Variants in VAMP4 observed in about 807,000 individuals in gnomAD.
VAMP4 encodes vesicle-associated membrane protein 4.
In VAMP4, 19 loss-of-function variants were observed where a neutral mutation model predicts 23.5. The observed-to-expected ratio is 0.81, with a 90% CI of 0.56 to 1.19. The LOEUF (loss-of-function observed/expected upper bound fraction) is 1.19. Ranked by LOEUF, VAMP4 falls within the 50% of genes most tolerant of loss-of-function variation. VAMP4 has a pLI of 0.00. For missense variants in VAMP4, 145 were observed against 168.6 expected (o/e 0.86, Z 0.78); for synonymous variants, 31 against 51.0 (o/e 0.61, Z 1.67).
intron 4 of VAMP4, among the ~76,000 whole-genome samples, chr1:171,711,400 T>C (rs1452381565): frequency 6.6e-6 from 1 of 152,100 alleles, no homozygotes; most frequent in Non-Finnish European, 1.5e-5. Context: ...AAACAGGATA[T>C]AAGACAACTG....
At position 171,702,550 on chromosome 1, in the gene VAMP4, A is replaced by G; in HGVS notation, c.*1956T>C. On this transcript the variant is annotated 3_prime_UTR_variant, in exon 8 of 8. Transcript: ENST00000236192. ...CTTCACTTGTAGATATTATGGAGAA[A>G]CCAGATTTCTACATCAACTAATGGA... 1 of 151,994 alleles carries G rather than the reference A, an allele frequency of 6.6e-6. No homozygotes were observed. Among genetic ancestry groups the G allele is most frequent in the East Asian group, 1.9e-4 (1 of 5,200 alleles). 9.4% of individuals were successfully genotyped at this position (151,994 alleles called of 1,614,324 possible). A position where few individuals can be genotyped will look rare whatever the true frequency, so the allele number is the denominator to read the frequency against.
chr1:171,729,694 C>CTG (rs1655497047), intron 2 of VAMP4, among the ~76,000 whole-genome samples: 18 of 152,182 alleles, frequency 1.2e-4, no homozygotes, highest in Admixed American at 1.2e-3. Context: ...GAGTCTTGCT[C>CTG]TGCTGCACAG....
At chr1:171,736,187 A>G (rs931807120) in intron 2 of VAMP4, among the ~76,000 whole-genome samples, 1 of 152,124 alleles carries the variant, frequency 6.6e-6, no homozygotes, top group Non-Finnish European at 1.5e-5. Context: ...ACGCCTGGCC[A>G]AGACATGCTT....
Position 171,701,172 on chromosome 1 carries a change from G to A in VAMP4, c.*3334C>T, listed in dbSNP as rs1297742458. 1 of 152,094 alleles carries A rather than the reference G, an allele frequency of 6.6e-6. No individual in the cohort carries two copies. Among genetic ancestry groups the A allele is most frequent in the Admixed American group, 6.6e-5 (1 of 15,260 alleles). The allele number at this position is 152,094 out of a possible 1,614,324, so 9.4% of individuals were successfully genotyped here. On this transcript the variant is annotated 3_prime_UTR_variant, in exon 8 of 8. Coordinates refer to ENST00000236192, the MANE Select transcript of VAMP4 (RefSeq NM_003762.5). ...CCTTACTACATTCTAAAACAAACTTGTAAATGCTTTCAAACTGACTTATGC... is the reference window on the plus strand; with the variant it reads ...CCTTACTACATTCTAAAACAAACTTATAAATGCTTTCAAACTGACTTATGC...
At chr1:171,732,360 GA>G (rs532876540) in intron 2 of VAMP4, among the ~76,000 whole-genome samples, 10,479 of 123,486 alleles carry the variant, frequency 0.085, 547 homozygotes, top group African/African-American at 0.18. Context: ...GTCTCTATGG[GA>G]AAAAAAAAAA....
chr1:171,732,849 A>G (rs1655607218), intron 2 of VAMP4, among the ~76,000 whole-genome samples: 1 of 152,208 alleles, frequency 6.6e-6, no homozygotes, highest in African/African-American at 2.4e-5. Context: ...AAACTTGAAC[A>G]TAAGACATCA....
intron 5 of VAMP4, 132 bp downstream of exon 5, chr1:171,710,582 C>A: frequency 1.7e-6 from 1 of 593,742 alleles, no homozygotes; most frequent in Non-Finnish European, 2.9e-6. Flanking sequence ...TAAAATTAAA[C>A]CATTAAAATC....
At position 171,738,236 on chromosome 1, in the gene VAMP4, G is replaced by A. The variant is rs1271790553; in HGVS notation, c.66+113C>T. 4 of 1,149,850 alleles carry A rather than the reference G, an allele frequency of 3.5e-6. No homozygotes were observed. In the Admixed American group the frequency reaches 9.4e-5, roughly 27 times the overall value. The allele number at this position is 1,149,850 out of a possible 1,614,324, so 71.2% of individuals were successfully genotyped here. A position where few individuals can be genotyped will look rare whatever the true frequency, so the allele number is the denominator to read the frequency against. ...ATTCTGCTTCAGCGTCCCAAGTGCG[G>A]CGATTGCAGGCATGAGCAACCACGC... On this transcript the variant is annotated intron_variant, in intron 2 of 7. Transcript: ENST00000236192.
rs1654492729 is a variant in VAMP4 at position 171,702,812 on chromosome 1, T to C, written c.*1694A>G. On this transcript the variant is annotated 3_prime_UTR_variant, in exon 8 of 8. Transcript: ENST00000236192. Reference sequence around the variant, plus strand: ...TAGAGACCAAAGACAATATACACTATAGTATGTAAGACCTTTATCTCCTTC... The same window carrying C: ...TAGAGACCAAAGACAATATACACTACAGTATGTAAGACCTTTATCTCCTTC... 6.6e-6 allele frequency: 1 copy of C among 152,044 alleles called. No individual in the cohort carries two copies. Among genetic ancestry groups the C allele is most frequent in the Non-Finnish European group, 1.5e-5 (1 of 67,876 alleles). The allele number at this position is 152,044 out of a possible 1,614,324, so 9.4% of individuals were successfully genotyped here.
intron 6 of VAMP4, among the ~76,000 whole-genome samples, chr1:171,708,061 G>A (rs1035150395): frequency 2.0e-5 from 3 of 152,154 alleles, no homozygotes; most frequent in Non-Finnish European, 1.5e-5. Context: ...CACTTTGGGA[G>A]GCTGAGGTGG....
intron 3 of VAMP4, among the ~76,000 whole-genome samples, chr1:171,720,790 T>A (rs1054626093): frequency 6.6e-6 from 1 of 151,956 alleles, no homozygotes; most frequent in African/African-American, 2.4e-5. Flanking sequence ...AGACAGAACT[T>A]TCCCAACTCA....
intron 3 of VAMP4, among the ~76,000 whole-genome samples, chr1:171,727,349 A>G (rs1655408732): frequency 6.6e-6 from 1 of 152,174 alleles, no homozygotes; most frequent in Admixed American, 6.5e-5. Context: ...GACGAAAAAT[A>G]AGCACACTAC....
At chr1:171,738,639 C>G (rs1457599904) in intron 1 of VAMP4, among the ~76,000 whole-genome samples, 176 bp from the exon 2 acceptor site, 1 of 152,134 alleles carries the variant, frequency 6.6e-6, no homozygotes, top group African/African-American at 2.4e-5. Flanking sequence ...GACCTCAACA[C>G]CTAAGAAATA....
Position 171,703,392 on chromosome 1 carries a change from CGT to C in VAMP4, c.*1112_*1113del, listed in dbSNP as rs1176104533. 178 of 58,604 alleles carry C rather than the reference CGT, an allele frequency of 3.0e-3. No homozygotes were observed. Among genetic ancestry groups the C allele is most frequent in the South Asian group, 8.2e-3 (14 of 1,700 alleles). 3.6% of individuals were successfully genotyped at this position (58,604 alleles called of 1,614,324 possible). ...CGACTGACTGATTATCATATGTGTG[CGT>C]GTGTGTGTGTGTGTGTGTGTGTGTT... is the stretch of plus-strand genomic sequence containing the variant. On this transcript the variant is annotated 3_prime_UTR_variant, in exon 8 of 8. Transcript: ENST00000236192.
At chr1:171,715,498 T>C (rs985368554) in intron 4 of VAMP4, among the ~76,000 whole-genome samples, 13 of 152,188 alleles carry the variant, frequency 8.5e-5, no homozygotes, top group African/African-American at 3.1e-4. Context: ...ACTACGTATG[T>C]GACTTTGGAA....
intron 2 of VAMP4, among the ~76,000 whole-genome samples, chr1:171,730,414 A>C (rs965934434): frequency 6.7e-4 from 102 of 152,292 alleles, no homozygotes; most frequent in African/African-American, 2.2e-3. Context: ...AATAAGTTAA[A>C]GCTTTTGAAA....
intron 3 of VAMP4, among the ~76,000 whole-genome samples, chr1:171,724,687 C>A (rs1655310082): frequency 1.3e-5 from 2 of 152,124 alleles, no homozygotes; most frequent in African/African-American, 4.8e-5. Context: ...AACCAAAATT[C>A]TAGCAGGCTT....
chr1:171,740,368 T>C (rs1655887742), intron 1 of VAMP4, among the ~76,000 whole-genome samples: 1 of 152,248 alleles, frequency 6.6e-6, no homozygotes. Context: ...TGTTTGTTAA[T>C]GATATACACT....
At chr1:171,718,876 T>C (rs1263582046) in intron 4 of VAMP4, among the ~76,000 whole-genome samples, 1 of 152,182 alleles carries the variant, frequency 6.6e-6, no homozygotes, top group African/African-American at 2.4e-5. Flanking sequence ...AGCAGTTATA[T>C]TTAGTCTTCA....
Sources: allele counts gnomAD v4.1 joint callset (sites outside exome capture counted in the v4.1 genomes callset), GRCh38; gene constraint gnomAD v4.1.1; transcripts MANE v1.5; gene names NCBI Gene and HGNC (gene_info 2026-07-23, HGNC 2026-07-21).